ZNF37A: variants seen among roughly 807,000 people sequenced by gnomAD.
ZNF37A encodes the protein zinc finger protein 37A.
A neutral mutation model predicts 12.3 loss-of-function variants in ZNF37A; 10 were observed. The observed-to-expected ratio is 0.82, with a 90% CI of 0.50 to 1.38. The LOEUF (loss-of-function observed/expected upper bound fraction) is 1.38. Among genes scored for constraint, ZNF37A ranks in the 40% most tolerant of loss-of-function variants. The pLI, the probability that ZNF37A is intolerant of heterozygous loss-of-function variation, is 0.00. For missense variants in ZNF37A, 580 were observed against 651.2 expected (o/e 0.89, Z 1.19); for synonymous variants, 207 against 223.0 (o/e 0.93, Z 0.64).
At chr10:38,140,583 T>C (rs1221536801) in intron 7 of ZNF37A, 1 of 152,196 alleles carries the variant, frequency 6.6e-6, no homozygotes, top group Non-Finnish European at 1.5e-5. Context: ...GGCAGATAGA[T>C]AGATAGACAG....
chr10:38,118,510 T>C lies in ZNF37A; in HGVS notation c.1359T>C (p.Gly453=). Residue 453 remains glycine (G), a synonymous_variant, in exon 8 of 8, where the codon GGT becomes GGC. Coordinates refer to ENST00000685332, the MANE Select transcript of ZNF37A (RefSeq NM_001324250.3). The part of the protein sequence containing the change: ...QCGKFFCYYS[G]FTEHLRRHTG... ...GAAAATTTTTCTGCTACTACTCCGG[T>C]TTCACAGAACATCTGAGAAGACACA... The C allele has an allele frequency of 1.2e-6, 2 of 1,613,282 alleles. No individual in the cohort carries two copies. Among genetic ancestry groups the C allele is most frequent in the Non-Finnish European group, 1.7e-6 (2 of 1,179,810 alleles).
intron 5 of ZNF37A, among the ~76,000 whole-genome samples, chr10:38,103,795 T>TA (rs1248510561): frequency 6.6e-6 from 1 of 152,244 alleles, no homozygotes; most frequent in East Asian, 1.9e-4. Context: ...ACCTCTGTTC[T>TA]ATTAGTTTAG....
intron 7 of ZNF37A, among the ~76,000 whole-genome samples, chr10:38,133,714 T>C (rs971940146): frequency 5.3e-5 from 8 of 152,168 alleles, no homozygotes; most frequent in African/African-American, 1.7e-4. Flanking sequence ...CAGTCTATCA[T>C]TGATGGATAT....
chr10:38,130,624 C>A (rs2070011172), intron 7 of ZNF37A, among the ~76,000 whole-genome samples: 2 of 151,614 alleles, frequency 1.3e-5, no homozygotes, highest in Non-Finnish European at 2.9e-5. Flanking sequence ...CCATGCCCAG[C>A]TAAGTTTTGC....
intron 5 of ZNF37A, among the ~76,000 whole-genome samples, chr10:38,105,064 G>A (rs2067945708): frequency 6.7e-6 from 1 of 149,090 alleles, no homozygotes; most frequent in Non-Finnish European, 1.5e-5. Context: ...GGAATGCAAT[G>A]GCATGATCTC....
downstream of ZNF37A, among the ~76,000 whole-genome samples, chr10:38,127,182 G>A (rs997007386): frequency 3.9e-5 from 6 of 152,156 alleles, no homozygotes; most frequent in African/African-American, 1.4e-4. Context: ...CCATGTTCAT[G>A]GAATGGGAGA....
intron 5 of ZNF37A, among the ~76,000 whole-genome samples, chr10:38,099,772 C>T (rs1590794550): frequency 6.6e-6 from 1 of 152,304 alleles, no homozygotes. Context: ...CATATCCTTG[C>T]CAACACTCGT....
intron 7 of ZNF37A, among the ~76,000 whole-genome samples, chr10:38,133,069 A>C (rs1391544339): frequency 6.6e-6 from 1 of 152,058 alleles, no homozygotes; most frequent in Non-Finnish European, 1.5e-5. Flanking sequence ...TTTTAATATT[A>C]TTATAGCCAC....
At chr10:38,129,353 A>G (rs1463023152), downstream of ZNF37A, among the ~76,000 whole-genome samples, 3 of 140,324 alleles carry the variant, frequency 2.1e-5, no homozygotes, top group Non-Finnish European at 4.7e-5. Flanking sequence ...CTTTTATTTT[A>G]GGTTCAGGGG....
At chr10:38,145,942 G>A (rs1276972355) in intron 7 of ZNF37A, among the ~76,000 whole-genome samples, 2 of 151,964 alleles carry the variant, frequency 1.3e-5, no homozygotes, top group Non-Finnish European at 2.9e-5. Context: ...TCTGCTAAAA[G>A]TACAAAAATT....
intron 5 of ZNF37A, among the ~76,000 whole-genome samples, chr10:38,108,684 C>T (rs897532501): frequency 7.9e-5 from 12 of 152,174 alleles, no homozygotes; most frequent in African/African-American, 2.9e-4. Context: ...TACAAACTAC[C>T]ATCAGAGAAT....
chr10:38,107,328 C>G (rs548893993), intron 5 of ZNF37A, among the ~76,000 whole-genome samples: 89 of 152,278 alleles, frequency 5.8e-4, no homozygotes, highest in Admixed American at 8.5e-4. Flanking sequence ...CACCACCAGG[C>G]CTGCCTTACA....
intron 5 of ZNF37A, among the ~76,000 whole-genome samples, chr10:38,104,469 T>C (rs2067867893): frequency 6.6e-6 from 1 of 152,024 alleles, no homozygotes; most frequent in East Asian, 1.9e-4. Flanking sequence ...TTTTTTGTTT[T>C]TTTTTTCTTC....
exon 8 of ZNF37A, chr10:38,149,463 C>G (rs2070298861): frequency 6.6e-6 from 1 of 152,192 alleles, no homozygotes; most frequent in East Asian, 1.9e-4. Context: ...TCACTCCATC[C>G]CCTCCTAACC....
downstream of ZNF37A, among the ~76,000 whole-genome samples, chr10:38,129,626 TAAAA>T (rs1227563765): frequency 6.6e-6 from 1 of 152,146 alleles, no homozygotes; most frequent in African/African-American, 2.4e-5. Context: ...TGCTTTCACT[TAAAA>T]AAAGAACTGT....
downstream of ZNF37A, among the ~76,000 whole-genome samples, chr10:38,129,840 C>G (rs573805837): frequency 9.1e-4 from 138 of 152,232 alleles, no homozygotes; most frequent in Middle Eastern, 0.01. Flanking sequence ...CTTACTTGTT[C>G]CATCCTGATT....
In ZNF37A at chr10:38,118,774, T is replaced by C; in HGVS notation, c.1623T>C (p.His541=). ...SFYVKSKLTV[H]QRIHLGRNPI... The stretch of plus-strand genomic sequence containing the variant: ...ATGTTAAGTCAAAACTAACTGTACA[T>C]CAGAGAATACACTTGGGGAGAAACC... The change falls in exon 8 of 8, where the codon CAT becomes CAC. Residue 541 remains histidine (H), a synonymous_variant. Transcript: ENST00000685332. The C allele has an allele frequency of 1.2e-6, 2 of 1,611,162 alleles. No homozygotes were observed. Among genetic ancestry groups the C allele is most frequent in the Non-Finnish European group, 1.7e-6 (2 of 1,178,780 alleles).
chr10:38,139,069 C>T (rs2474597), intron 7 of ZNF37A: 82,808 of 151,986 alleles, frequency 0.54, 23,608 homozygotes, highest in African/African-American at 0.72. Context: ...ATTACAAATA[C>T]CGTGTTTTAT....
At chr10:38,138,991 G>A (rs995974611) in intron 7 of ZNF37A, 1 of 152,104 alleles carries the variant, frequency 6.6e-6, no homozygotes, top group African/African-American at 2.4e-5. Context: ...CTTTTTTATA[G>A]CATCATTTTA....
Sources: allele counts gnomAD v4.1 joint callset (sites outside exome capture counted in the v4.1 genomes callset), GRCh38; gene constraint gnomAD v4.1.1; transcripts MANE v1.5; gene names NCBI Gene and HGNC (gene_info 2026-07-23, HGNC 2026-07-21).